Variants in CCR7 observed in about 807,000 individuals in gnomAD.
CCR7 encodes the protein C-C motif chemokine receptor 7.
Under a neutral mutation model 26.0 loss-of-function variants are expected in CCR7, and 11 were observed. That is an observed-to-expected ratio of 0.42 (90% CI 0.27 to 0.70). CCR7 has a LOEUF of 0.70. Among genes scored for constraint, CCR7 ranks in the 30% least tolerant of loss-of-function variants. The pLI is 0.23. For synonymous variants in CCR7, 189 were observed against 202.1 expected (o/e 0.94, Z 0.55); for missense variants, 360 against 504.0 (o/e 0.71, Z 2.74).
At position 40,555,900 on chromosome 17, in the gene CCR7, G is replaced by A; in HGVS notation, c.61-82C>T. The A allele has an allele frequency of 2.1e-6, 2 of 943,534 alleles. No individual in the cohort carries two copies. Among genetic ancestry groups the A allele is most frequent in the South Asian group, 3.2e-5 (2 of 61,970 alleles). The allele number at this position is 943,534 out of a possible 1,614,324, so 58.4% of individuals were successfully genotyped here. On this transcript the variant is annotated intron_variant, in intron 2 of 2. Coordinates refer to ENST00000246657, the MANE Select transcript of CCR7 (RefSeq NM_001838.4). The surrounding 1 kb of genome is among the most constrained non-coding windows in gnomAD (Gnocchi z 5.6). ...GGCTGGGATTTAGCCTAGAGCAGTGGTTTCTTTCTTTTTTTTTTTTCTTGA... is the reference window on the plus strand; with the variant it reads ...GGCTGGGATTTAGCCTAGAGCAGTGATTTCTTTCTTTTTTTTTTTTCTTGA...
intron 1 of CCR7, among the ~76,000 whole-genome samples, chr17:40,559,440 C>T (rs186659785): frequency 6.6e-5 from 10 of 152,336 alleles, no homozygotes; most frequent in African/African-American, 2.4e-4. Context: ...CAGGTGAGTG[C>T]GCAGCCACAC....
chr17:40,554,373 TCATTC>T lies in CCR7; in HGVS notation c.*364_*368del. On this transcript the variant is annotated 3_prime_UTR_variant, in exon 3 of 3. Coordinates refer to ENST00000246657, the MANE Select transcript of CCR7 (RefSeq NM_001838.4). Reference sequence around the variant, plus strand: ...TTGAGTCTGTGGGAGGCCAGAAGGTTCATTCAGAGGACTCTTCAGGCCACTCCCAC... The same window carrying T: ...TTGAGTCTGTGGGAGGCCAGAAGGTTAGAGGACTCTTCAGGCCACTCCCAC... The T allele has an allele frequency of 1.5e-5, 3 of 195,472 alleles. No individual in the cohort carries two copies. The highest frequency in any genetic ancestry group is 1.3e-4 in the South Asian group (1 of 7,606). The allele number at this position is 195,472 out of a possible 1,614,324, so 12.1% of individuals were successfully genotyped here. A position where few individuals can be genotyped will look rare whatever the true frequency, so the allele number is the denominator to read the frequency against.
chr17:40,560,262 G>A (rs1273189798), intron 1 of CCR7, among the ~76,000 whole-genome samples: 1 of 152,224 alleles, frequency 6.6e-6, no homozygotes, highest in Non-Finnish European at 1.5e-5. Flanking sequence ...TGACCCTCAG[G>A]TCCCAGCTAG....
rs1447278791 is a variant in CCR7, at chr17:40,555,142, A to G, written c.737T>C (p.Ile246Thr). 1 of 1,614,080 alleles carries G rather than the reference A, an allele frequency of 6.2e-7. No homozygotes were observed. The highest frequency in any genetic ancestry group is 1.3e-5 in the African/African-American group (1 of 74,928). The change falls in exon 3 of 3, where the codon ATC (isoleucine) becomes ACC (threonine). Residue 246 changes from isoleucine to threonine, a missense_variant. Ile to Thr is a moderately conservative substitution (Grantham distance 89, BLOSUM62 -1). Coordinates refer to ENST00000246657, the MANE Select transcript of CCR7 (RefSeq NM_001838.4). The surrounding 1 kb of genome is among the most constrained non-coding windows in gnomAD (Gnocchi z 5.6). ...GCGTGCCTGGAGCAGGGTGCGGATG[A>G]TGACAAGGTAACAGAAGCTCATGGC... ...LLAMSFCYLV[I>T]IRTLLQARNF...
At chr17:40,559,012 A>AG (rs2036624700) in intron 1 of CCR7, 70 bp from the exon 2 acceptor site, 1 of 1,299,628 alleles carries the variant, frequency 7.7e-7, no homozygotes, top group African/African-American at 1.5e-5. Flanking sequence ...AAAGCAGTGG[A>AG]GGGGGAGACG....
chr17:40,560,561 G>A (rs1353851317), intron 1 of CCR7: 1 of 152,308 alleles, frequency 6.6e-6, no homozygotes, highest in Non-Finnish European at 1.5e-5. Flanking sequence ...GGGAAGGAGA[G>A]ACTGCATCGG....
intron 2 of CCR7, among the ~76,000 whole-genome samples, chr17:40,557,233 G>A (rs1381139410): frequency 1.3e-5 from 2 of 152,212 alleles, no homozygotes; most frequent in Admixed American, 1.3e-4. Context: ...AATGAAGGAG[G>A]GGGTCCATGC....
intron 1 of CCR7, among the ~76,000 whole-genome samples, chr17:40,559,734 T>C (rs537816254): frequency 4.6e-5 from 7 of 152,326 alleles, no homozygotes; most frequent in Admixed American, 1.3e-4. Flanking sequence ...AATTGTGTGC[T>C]GATGAATATA....
At chr17:40,559,063 G>T in intron 1 of CCR7, 121 bp from the exon 2 acceptor site, 1 of 775,262 alleles carries the variant, frequency 1.3e-6, no homozygotes, top group Non-Finnish European at 2.1e-6. Context: ...CACTGTGTTT[G>T]CTGAAAGAGA....
intron 1 of CCR7, among the ~76,000 whole-genome samples, chr17:40,560,291 G>A (rs1416209444): frequency 6.6e-6 from 1 of 152,244 alleles, no homozygotes; most frequent in Non-Finnish European, 1.5e-5. Flanking sequence ...TGGCCCACTG[G>A]AGAGTCAGTA....
chr17:40,565,465 C>T lies in CCR7; in HGVS notation c.-56G>A. The T allele has an allele frequency of 6.3e-7, 1 of 1,590,380 alleles. No individual in the cohort carries two copies. Among genetic ancestry groups the T allele is most frequent in the Non-Finnish European group, 8.6e-7 (1 of 1,158,398 alleles). ...AAGGCTGTGCCCGGCCTCGCACTACCCCTGTCTGGGGAGGAAGTGGTTCAA... is the reference window on the plus strand; with the variant it reads ...AAGGCTGTGCCCGGCCTCGCACTACTCCTGTCTGGGGAGGAAGTGGTTCAA... On this transcript the variant is annotated 5_prime_UTR_variant, in exon 1 of 3. Coordinates refer to ENST00000246657, the MANE Select transcript of CCR7 (RefSeq NM_001838.4).
At chr17:40,564,846 C>A (rs1383949883) in intron 1 of CCR7, among the ~76,000 whole-genome samples, 1 of 152,194 alleles carries the variant, frequency 6.6e-6, no homozygotes, top group Non-Finnish European at 1.5e-5. Context: ...AGAGAGAAAG[C>A]AACCAGAGCT....
chr17:40,554,584 G>A lies in CCR7; in HGVS notation c.*158C>T, dbSNP rs888139183. The A allele has an allele frequency of 1.5e-5, 10 of 671,772 alleles. No individual in the cohort carries two copies. Among genetic ancestry groups the A allele is most frequent in the Non-Finnish European group, 2.4e-5 (9 of 380,872 alleles). The allele number at this position is 671,772 out of a possible 1,614,324, so 41.6% of individuals were successfully genotyped here. On this transcript the variant is annotated 3_prime_UTR_variant, in exon 3 of 3. Coordinates refer to ENST00000246657, the MANE Select transcript of CCR7 (RefSeq NM_001838.4). ...TGGTTGAGGTAGCTGGGATTGGGGTGAAGCTATCTTCTGGAGCAGGGGCTT... is the reference window on the plus strand; with the variant it reads ...TGGTTGAGGTAGCTGGGATTGGGGTAAAGCTATCTTCTGGAGCAGGGGCTT...
rs2036622714 is a variant in CCR7, at chr17:40,558,910, G to A, written c.43C>T (p.Leu15Phe). 1 of 1,613,720 alleles carries A rather than the reference G, an allele frequency of 6.2e-7. No homozygotes were observed. Among genetic ancestry groups the A allele is most frequent in the South Asian group, 1.1e-5 (1 of 91,054 alleles). ...KPMKSVLVVA[L>F]LVIFQVCLCQ... ...AACCTCACCTGGAAAATGACAAGGA[G>A]AGCCACCACCAGCACGCTTTTCATT... The change falls in exon 2 of 3, where the codon CTC becomes TTC. Residue 15 changes from leucine (L) to phenylalanine (F), a missense_variant. Transcript: ENST00000246657.
rs1233129803 is a variant in CCR7, at chr17:40,555,487, A to G, written c.392T>C (p.Leu131Pro). The change falls in exon 3 of 3, where the codon CTC becomes CCC. Residue 131 changes from leucine (L) to proline (P), a missense_variant. By Grantham distance (98) the Leu-to-Pro change is moderately conservative. Coordinates refer to ENST00000246657, the MANE Select transcript of CCR7 (RefSeq NM_001838.4). The surrounding 1 kb of genome is among the most constrained non-coding windows in gnomAD (Gnocchi z 5.6). Reference sequence around the variant, plus strand: ...GCTCATCTTGTAGATGGCAAAGATGAGCTTGCAAAAGTGGACACCGAAGAC... The same window carrying G: ...GCTCATCTTGTAGATGGCAAAGATGGGCTTGCAAAAGTGGACACCGAAGAC... ...SWVFGVHFCKLIFAIYKMSFF... is the reference protein window; with the variant it reads ...SWVFGVHFCKPIFAIYKMSFF... 1 of 1,613,898 alleles carries G rather than the reference A, an allele frequency of 6.2e-7. No homozygotes were observed. Among genetic ancestry groups the G allele is most frequent in the Non-Finnish European group, 8.5e-7 (1 of 1,180,046 alleles).
At chr17:40,557,277 T>G (rs531182181) in intron 2 of CCR7, among the ~76,000 whole-genome samples, 2 of 151,990 alleles carry the variant, frequency 1.3e-5, no homozygotes, top group South Asian at 4.2e-4. Context: ...GATGGACGGG[T>G]TTGTGCAGGG....
At chr17:40,563,015 G>C (rs1420404066) in intron 1 of CCR7, among the ~76,000 whole-genome samples, 3 of 152,096 alleles carry the variant, frequency 2.0e-5, no homozygotes, top group Admixed American at 1.3e-4. Context: ...GCAGCTCCTT[G>C]TTGGGCTTGA....
intron 1 of CCR7, among the ~76,000 whole-genome samples, chr17:40,563,443 G>A (rs1219133439): frequency 6.6e-6 from 1 of 152,102 alleles, no homozygotes; most frequent in South Asian, 2.1e-4. Flanking sequence ...CTCATTGCTC[G>A]AAGGTGGGGA....
At chr17:40,562,238 C>T (rs1434436869) in intron 1 of CCR7, among the ~76,000 whole-genome samples, 3 of 152,312 alleles carry the variant, frequency 2.0e-5, no homozygotes, top group African/African-American at 2.4e-5. Flanking sequence ...TGGTGATCCT[C>T]ATCTTAGATT....
Sources: gnomAD v4.1 joint callset for allele counts (sites outside exome capture counted in the v4.1 genomes callset) on GRCh38, gnomAD v4.1.1 for gene constraint, Gnocchi (gnomAD v3.1) non-coding constraint, MANE v1.5 for transcripts, NCBI Gene and HGNC (gene_info 2026-07-23, HGNC 2026-07-21) for gene names.